CABP5: variants seen among roughly 807,000 people sequenced by gnomAD.
The protein encoded by CABP5 is calcium-binding protein 5.
A neutral mutation model predicts 21.9 loss-of-function variants in CABP5; 17 were observed. That is an observed-to-expected ratio of 0.78 (90% confidence interval 0.53 to 1.17). CABP5 has a LOEUF of 1.17. CABP5 is among the 50% of genes most tolerant of loss of function. CABP5 has a pLI of 0.00. For missense variants in CABP5, 229 were observed against 228.9 expected (o/e 1.00, Z 0.00); for synonymous variants, 85 against 79.4 (o/e 1.07, Z -0.37).
In CABP5 at chr19:48,034,267, A is replaced by G; in HGVS notation, c.444T>C (p.Ser148=). Residue 148 remains serine (S), a synonymous_variant, in exon 5 of 6, where the codon TCT becomes TCC. Transcript: ENST00000293255. Reference sequence around the variant, plus strand: ...TAACATCAGCCTCCCGGACAACCTCAGAGATCTCCCGGGGGGTGAGCCGCT... The same window carrying G: ...TAACATCAGCCTCCCGGACAACCTCGGAGATCTCCCGGGGGGTGAGCCGCT... ...LGERLTPREI[S]EVVREADVNG... The G allele has an allele frequency of 6.2e-7, 1 of 1,607,844 alleles. No individual in the cohort carries two copies. Among genetic ancestry groups the G allele is most frequent in the Non-Finnish European group, 8.5e-7 (1 of 1,177,614 alleles).
At chr19:48,043,140 G>GCTGGGA in intron 1 of CABP5, among the ~76,000 whole-genome samples, 1 of 151,896 alleles carries the variant, frequency 6.6e-6, no homozygotes. Flanking sequence ...CACCTGAGTA[G>GCTGGGA]CTGGGACTGC....
chr19:48,034,850 C>CT (rs973190608), intron 4 of CABP5, among the ~76,000 whole-genome samples: 1 of 151,724 alleles, frequency 6.6e-6, no homozygotes, highest in African/African-American at 2.4e-5. Flanking sequence ...CCGGCCGAAA[C>CT]TTTTTTTTAA....
chr19:48,035,401 C>T (rs1199786116), intron 4 of CABP5, among the ~76,000 whole-genome samples: 1 of 152,178 alleles, frequency 6.6e-6, no homozygotes, highest in African/African-American at 2.4e-5. Context: ...AGTTCGAGAC[C>T]AGCCTGACCA....
chr19:48,039,274 G>T lies in CABP5; in HGVS notation c.282C>A (p.Thr94=), dbSNP rs760403509. ...VDFDDFVELM[T]PKLLAETAGM... is the part of the protein sequence containing the mutation. ...CAGCTGTTTCTGCAAGCAATTTGGG[G>T]GTCATCAGCTCCACAAAGTCATCAA... The change falls in exon 4 of 6, where the codon ACC becomes ACA. Residue 94 remains threonine (T), a synonymous_variant. Transcript: ENST00000293255. The T allele has an allele frequency of 6.2e-7, 1 of 1,614,028 alleles. No individual in the cohort carries two copies. The highest frequency in any genetic ancestry group is 8.5e-7 in the Non-Finnish European group (1 of 1,179,988).
At chr19:48,041,792 C>A (rs532196115) in intron 1 of CABP5, among the ~76,000 whole-genome samples, 189 bp from the exon 2 acceptor site, 1 of 152,042 alleles carries the variant, frequency 6.6e-6, no homozygotes. Flanking sequence ...CTCCCCACCC[C>A]CCTCTCGATG....
intron 1 of CABP5, among the ~76,000 whole-genome samples, chr19:48,042,128 G>A (rs1461699290): frequency 1.3e-5 from 2 of 152,102 alleles, no homozygotes; most frequent in Admixed American, 1.3e-4. Context: ...CCCCTCCCAA[G>A]GGAGGAAGGC....
At position 48,039,241 on chromosome 19, in the gene CABP5, G is replaced by A. The variant is rs372942092; in HGVS notation, c.315C>T (p.Ile105=). 2.9e-5 allele frequency: 47 copies of A among 1,613,854 alleles called. No homozygotes were observed. The South Asian group carries it at 3.2e-4, about 11-fold the overall frequency. ...AGGCATCCCGCATCTCCTGGACACC[G>A]ATCATCCCAGCTGTTTCTGCAAGCA... ...PKLLAETAGM[I]GVQEMRDAFK... is the part of the protein sequence containing the mutation. The change falls in exon 4 of 6, where the codon ATC becomes ATT. Residue 105 remains isoleucine, a synonymous_variant. Transcript: ENST00000293255.
chr19:48,039,069 A>G (rs749383840), intron 4 of CABP5, 139 bp downstream of exon 4: 2 of 630,382 alleles, frequency 3.2e-6, no homozygotes, highest in East Asian at 2.7e-5. Context: ...TTTCTTCCCT[A>G]TTTATTGATC....
In CABP5 at chr19:48,029,828, G is replaced by GAGAGAGAGAGAGAGAGAGAGAC. The variant is rs1224439008; in HGVS notation, c.*728_*729insGTCTCTCTCTCTCTCTCTCTCT. On this transcript the variant is annotated 3_prime_UTR_variant, in exon 6 of 6. Coordinates refer to ENST00000293255, the MANE Select transcript of CABP5 (RefSeq NM_019855.5). ...AGAGAGAGAGAGAGAGAGAGAGAGA[G>GAGAGAGAGAGAGAGAGAGAGAC]AGAGAGAGAAACCAGACAGTGCTTC... 31 of 150,510 alleles carry GAGAGAGAGAGAGAGAGAGAGAC rather than the reference G, an allele frequency of 2.1e-4. No homozygotes were observed. The highest frequency in any genetic ancestry group is 7.2e-4 in the African/African-American group (29 of 40,386). The allele number at this position is 150,510 out of a possible 1,614,324, so 9.3% of individuals were successfully genotyped here. A position where few individuals can be genotyped will look rare whatever the true frequency, so the allele number is the denominator to read the frequency against.
At chr19:48,035,609 G>T (rs1386183422) in intron 4 of CABP5, among the ~76,000 whole-genome samples, 1 of 152,160 alleles carries the variant, frequency 6.6e-6, no homozygotes, top group East Asian at 1.9e-4. Flanking sequence ...AAAAGAGAAA[G>T]AAAATTTTAA....
At chr19:48,039,352 C>T in intron 3 of CABP5, 35 bp from the exon 4 acceptor site, 1 of 1,527,622 alleles carries the variant, frequency 6.5e-7, no homozygotes, top group Non-Finnish European at 9.1e-7. Flanking sequence ...CGAGACCCCA[C>T]AAGCCCTGGC....
rs756797217 is a variant in CABP5, at chr19:48,043,901, C to A, written c.22G>T (p.Ala8Ser). 1.3e-6 allele frequency: 2 copies of A among 1,499,930 alleles called. No individual in the cohort carries two copies. Among genetic ancestry groups the A allele is most frequent in the Non-Finnish European group, 1.8e-6 (2 of 1,129,914 alleles). The allele number at this position is 1,499,930 out of a possible 1,614,324, so 92.9% of individuals were successfully genotyped here. A position where few individuals can be genotyped will look rare whatever the true frequency, so the allele number is the denominator to read the frequency against. The change falls in exon 1 of 6, where the codon GCC becomes TCC. Residue 8 changes from alanine (A) to serine (S), a missense_variant. Transcript: ENST00000293255. ...ATGCCTTTCCTCAAGAAGATGCAGG[C>A]GGGGCCCATGGGGAACTGCATGGAG... The part of the protein sequence containing the change: MQFPMGP[A>S]CIFLRKGIAE...
intron 5 of CABP5, among the ~76,000 whole-genome samples, chr19:48,032,748 AG>A (rs1967355996): frequency 6.6e-6 from 1 of 151,646 alleles, no homozygotes; most frequent in African/African-American, 2.4e-5. Context: ...CTCCTGCCTC[AG>A]CCCCCGTATA....
chr19:48,033,181 C>T (rs112250429), intron 5 of CABP5, among the ~76,000 whole-genome samples: 46,104 of 151,572 alleles, frequency 0.3, 7,846 homozygotes, highest in Non-Finnish European at 0.38. Context: ...TTTTTGTATT[C>T]GTAGTAGAGA....
chr19:48,043,840 C>A lies in CABP5; in HGVS notation c.63+20G>T, dbSNP rs1967515078. 3 of 1,493,166 alleles carry A rather than the reference C, an allele frequency of 2.0e-6. No homozygotes were observed. The highest frequency in any genetic ancestry group is 2.9e-5 in the African/African-American group (2 of 67,992). 92.5% of individuals were successfully genotyped at this position (1,493,166 alleles called of 1,614,324 possible). A position where few individuals can be genotyped will look rare whatever the true frequency, so the allele number is the denominator to read the frequency against. ...CCCTTTGCCCCGCCCACCGCCCTTCCCCCTCACTCCCCACCTCACCCGCTG... is the reference window on the plus strand; with the variant it reads ...CCCTTTGCCCCGCCCACCGCCCTTCACCCTCACTCCCCACCTCACCCGCTG... On this transcript the variant is annotated intron_variant, in intron 1 of 5. Coordinates refer to ENST00000293255, the MANE Select transcript of CABP5 (RefSeq NM_019855.5).
chr19:48,043,826 G>C (rs959017976), intron 1 of CABP5, 34 bp downstream of exon 1: 1 of 1,457,098 alleles, frequency 6.9e-7, no homozygotes, highest in South Asian at 1.4e-5. Context: ...CCTTTGCCCC[G>C]CCCACCGCCC....
intron 4 of CABP5, among the ~76,000 whole-genome samples, chr19:48,038,924 G>T (rs1233481957): frequency 6.6e-6 from 1 of 152,088 alleles, no homozygotes; most frequent in Non-Finnish European, 1.5e-5. Flanking sequence ...GTTTAATTGG[G>T]ATACATGACT....
Position 48,030,469 on chromosome 19 carries a change from G to T in CABP5, c.*88C>A. 1 of 1,388,148 alleles carries T rather than the reference G, an allele frequency of 7.2e-7. No individual in the cohort carries two copies. The highest frequency in any genetic ancestry group is 1.2e-5 in the South Asian group (1 of 80,596). The allele number at this position is 1,388,148 out of a possible 1,614,324, so 86.0% of individuals were successfully genotyped here. A position where few individuals can be genotyped will look rare whatever the true frequency, so the allele number is the denominator to read the frequency against. On this transcript the variant is annotated 3_prime_UTR_variant, in exon 6 of 6. Coordinates refer to ENST00000293255, the MANE Select transcript of CABP5 (RefSeq NM_019855.5). ...GCCTGCCCTCCCTCTCTGCTTTAAGGGGATCTGGGGCTTTTGGGCTTTGGT... is the reference window on the plus strand; with the variant it reads ...GCCTGCCCTCCCTCTCTGCTTTAAGTGGATCTGGGGCTTTTGGGCTTTGGT...
At position 48,034,324 on chromosome 19, in the gene CABP5, C is replaced by G; in HGVS notation, c.387G>C (p.Glu129Asp). The change falls in exon 5 of 6, where the codon GAG (glutamate) becomes GAC (aspartate). Residue 129 changes from glutamate (E) to aspartate (D), a missense_variant. Transcript: ENST00000293255. Reference protein sequence around the residue: ...TNGDGEITLVELQQAMQRLLG... With the variant: ...TNGDGEITLVDLQQAMQRLLG... ...GGAGTCTCTGCATGGCCTGCTGTAG[C>G]TCCACCAGGGTGATCTCCCCATCTC... 3 of 1,604,866 alleles carry G rather than the reference C, an allele frequency of 1.9e-6. No homozygotes were observed. The Admixed American group carries it at 5.2e-5, about 28-fold the overall frequency.
Sources: allele counts gnomAD v4.1 joint callset (sites outside exome capture counted in the v4.1 genomes callset), GRCh38; gene constraint gnomAD v4.1.1; transcripts MANE v1.5; gene names NCBI Gene and HGNC (gene_info 2026-07-23, HGNC 2026-07-21).